The following CYP3A7 variants were observed in gnomAD, a reference collection of about 807,000 sequenced individuals.
CYP3A7 encodes cytochrome P450 3A7.
A neutral mutation model predicts 55.2 loss-of-function variants in CYP3A7; 45 were observed. The observed-to-expected ratio is 0.82, with a 90% CI of 0.64 to 1.05. The LOEUF is 1.05. Ranked by LOEUF, CYP3A7 falls within the 50% of genes least tolerant of loss-of-function variation. CYP3A7 has a pLI of 0.00. For synonymous variants in CYP3A7, 180 were observed against 207.4 expected, an observed-to-expected ratio of 0.87 and a Z score of 1.13; for missense variants, 548 against 605.3, an observed-to-expected ratio of 0.91 and a Z score of 0.99.
At chr7:99,713,087 C>T (rs1334959242) in intron 9 of CYP3A7, among the ~76,000 whole-genome samples, 7 of 152,142 alleles carry the variant, frequency 4.6e-5, no homozygotes, top group East Asian at 1.9e-4. Context: ...AAAGTAATTG[C>T]GGTTTTTGCC....
chr7:99,705,509 A>G lies in CYP3A7; in HGVS notation c.1503T>C (p.Ser501=). The part of the protein sequence containing the change: ...LKAESRDETV[S]GA The stretch of plus-strand genomic sequence containing the variant: ...GAAGTCCTTAGGGAAATCAGGCTCC[A>G]CTTACGGTCTCATCCCTTGACTCAG... The change falls in exon 13 of 13, where the codon AGT becomes AGC. Residue 501 remains serine (S), a synonymous_variant. Transcript: ENST00000336374. 1 of 1,613,576 alleles carries G rather than the reference A, an allele frequency of 6.2e-7. No individual in the cohort carries two copies. The highest frequency in any genetic ancestry group is 2.2e-5 in the East Asian group (1 of 44,852).
At chr7:99,717,873 C>T (rs563986297) in intron 4 of CYP3A7, among the ~76,000 whole-genome samples, 13 of 152,172 alleles carry the variant, frequency 8.5e-5, no homozygotes, top group Non-Finnish European at 1.6e-4. Context: ...CCACATGGTA[C>T]GGAACCTGTT....
intron 1 of CYP3A7, among the ~76,000 whole-genome samples, chr7:99,733,915 C>T (rs1814726157): frequency 6.6e-6 from 1 of 152,162 alleles, no homozygotes; most frequent in African/African-American, 2.4e-5. Flanking sequence ...AAGACATATG[C>T]AGTCTTGTCC....
chr7:99,705,897 T>C (rs1354885984), intron 12 of CYP3A7, among the ~76,000 whole-genome samples: 4 of 152,204 alleles, frequency 2.6e-5, no homozygotes, highest in Admixed American at 6.5e-5. Context: ...TTAACGAAAA[T>C]GGATGAGTTT....
At chr7:99,722,564 C>T (rs188028381) in intron 2 of CYP3A7, among the ~76,000 whole-genome samples, 251 of 152,146 alleles carry the variant, frequency 1.6e-3, no homozygotes, top group Non-Finnish European at 1.2e-3. Flanking sequence ...TAAGTGTTGT[C>T]GATACTGAAT....
chr7:99,717,041 C>T (rs1813979350), intron 6 of CYP3A7, 136 bp downstream of exon 6: 5 of 865,516 alleles, frequency 5.8e-6, no homozygotes, highest in Non-Finnish European at 7.6e-6. Flanking sequence ...CTTGGGAGAC[C>T]CATTGAAGTT....
At chr7:99,733,112 G>T (rs898706744) in intron 1 of CYP3A7, among the ~76,000 whole-genome samples, 2 of 152,206 alleles carry the variant, frequency 1.3e-5, no homozygotes, top group African/African-American at 4.8e-5. Context: ...AATAGTTAGT[G>T]GAAGTGTGTG....
At chr7:99,720,510 T>C (rs778614676) in intron 3 of CYP3A7, 98 bp from the exon 4 acceptor site, 13 of 1,307,380 alleles carry the variant, frequency 9.9e-6, no homozygotes, top group Middle Eastern at 1.8e-4. Context: ...CATTACATAA[T>C]CCTCTAGATG....
At chr7:99,708,629 C>A (rs112646143) in intron 11 of CYP3A7, among the ~76,000 whole-genome samples, 16 of 152,116 alleles carry the variant, frequency 1.1e-4, no homozygotes, top group African/African-American at 3.9e-4. Context: ...CTATCTGTTG[C>A]ACTAACCTAT....
chr7:99,711,256 G>A (rs1451851221), intron 9 of CYP3A7, among the ~76,000 whole-genome samples: 2 of 152,048 alleles, frequency 1.3e-5, no homozygotes, highest in Non-Finnish European at 2.9e-5. Context: ...ATTAATATGG[G>A]GTAGTCTTCT....
intron 4 of CYP3A7, among the ~76,000 whole-genome samples, chr7:99,719,535 G>A (rs1399110625): frequency 2.6e-5 from 4 of 152,036 alleles, no homozygotes; most frequent in Non-Finnish European, 5.9e-5. Context: ...TAGAAAAATT[G>A]GCAATATAGG....
In CYP3A7 at chr7:99,709,021, C is replaced by T; in HGVS notation, c.1253+14G>A. 1.2e-6 allele frequency: 2 copies of T among 1,613,816 alleles called. No homozygotes were observed. The highest frequency in any genetic ancestry group is 1.7e-6 in the Non-Finnish European group (2 of 1,179,856). On this transcript the variant is annotated intron_variant, in intron 11 of 12. Coordinates refer to ENST00000336374, the MANE Select transcript of CYP3A7 (RefSeq NM_000765.5). ...GCTGGTTCAGGGAGGGCTCCCTTCC[C>T]AGGGGCCTCCTACCTTTCAGGGAGG...
rs897268351 is a variant in CYP3A7, at chr7:99,717,069, C to G, written c.521+108G>C. On this transcript the variant is annotated intron_variant, in intron 6 of 12. Coordinates refer to ENST00000336374, the MANE Select transcript of CYP3A7 (RefSeq NM_000765.5). ...TTGAAGTTGCATTACCACAGCCCTC[C>G]TTTTGTCTGGTCACTGGAATAACCC... The G allele has an allele frequency of 5.6e-6, 8 of 1,427,590 alleles. No individual in the cohort carries two copies. The African/African-American group carries it at 1.1e-4, about 20-fold the overall frequency. 88.4% of individuals were successfully genotyped at this position (1,427,590 alleles called of 1,614,324 possible).
chr7:99,713,024 T>C (rs558884704), intron 9 of CYP3A7, among the ~76,000 whole-genome samples: 48 of 152,332 alleles, frequency 3.2e-4, no homozygotes, highest in South Asian at 1.2e-3. Context: ...AAAATCGCCC[T>C]TATTTGGATA....
At chr7:99,729,294 C>T (rs976232230) in intron 2 of CYP3A7, among the ~76,000 whole-genome samples, 4 of 152,102 alleles carry the variant, frequency 2.6e-5, no homozygotes, top group African/African-American at 7.2e-5. Context: ...TGGTACCATC[C>T]TCTGCCCCAA....
intron 7 of CYP3A7, 60 bp downstream of exon 7, chr7:99,715,698 C>T: frequency 6.2e-7 from 1 of 1,611,808 alleles, no homozygotes; most frequent in Middle Eastern, 1.7e-4. Flanking sequence ...TGATTTACAT[C>T]TCAATAAAGC....
chr7:99,720,202 A>G (rs1277316388), intron 4 of CYP3A7, 111 bp downstream of exon 4: 39 of 1,380,908 alleles, frequency 2.8e-5, no homozygotes, highest in Non-Finnish European at 3.4e-5. Flanking sequence ...TGAAGTGTAC[A>G]TGGAACCTTC....
intron 4 of CYP3A7, among the ~76,000 whole-genome samples, chr7:99,717,929 T>TAG (rs951603776): frequency 6.6e-6 from 1 of 152,012 alleles, no homozygotes; most frequent in Non-Finnish European, 1.5e-5. Flanking sequence ...GCGTGCAGTG[T>TAG]AGAGAGAGAG....
In CYP3A7 at chr7:99,717,541, G is replaced by A. The variant is rs144167377; in HGVS notation, c.417C>T (p.Ser139=). The A allele has an allele frequency of 5.9e-5, 96 of 1,613,578 alleles. No homozygotes were observed. In the African/African-American group the frequency reaches 7.9e-4, roughly 13 times the overall value. The change falls in exon 5 of 13, where the codon AGC becomes AGT. Residue 139 remains serine, a synonymous_variant. Transcript: ENST00000336374. ...IRSLLSPTFT[S]GKLKEMVPII... is the part of the protein sequence containing the mutation. Reference sequence around the variant, plus strand: ...ATTTTCATACCTCCTTGAGTTTTCCGCTGGTGAATGTTGGAGACAGCAATG... The same window carrying A: ...ATTTTCATACCTCCTTGAGTTTTCCACTGGTGAATGTTGGAGACAGCAATG...
Sources: allele counts gnomAD v4.1 joint callset (sites outside exome capture counted in the v4.1 genomes callset), GRCh38; gene constraint gnomAD v4.1.1; transcripts MANE v1.5; gene names NCBI Gene and HGNC (gene_info 2026-07-23, HGNC 2026-07-21).